Variants in TENM2 observed in about 807,000 individuals in gnomAD.
TENM2 encodes the protein teneurin transmembrane protein 2.
In TENM2, 52 loss-of-function variants were observed where a neutral mutation model predicts 245.2. The observed-to-expected ratio is 0.21, with a 90% CI of 0.17 to 0.27. The LOEUF (loss-of-function observed/expected upper bound fraction) is 0.27, where lower values mean the gene tolerates loss of function less well. TENM2 is among the 10% of genes least tolerant of loss of function. The probability of loss-of-function intolerance (pLI) is 1.00; values close to 1 mark genes in which losing one functional copy is unlikely to be tolerated. For synonymous variants in TENM2, 1,363 were observed against 1,438.9 expected (o/e 0.95, Z 1.19); for missense variants, 3,046 against 3,666.8 (o/e 0.83, Z 4.37).
At chr5:167,395,220 A>G (rs1761984928) in intron 2 of TENM2, among the ~76,000 whole-genome samples, 1 of 152,092 alleles carries the variant, frequency 6.6e-6, no homozygotes, top group South Asian at 2.1e-4. Flanking sequence ...GCCTTGAGTG[A>G]GTTTATTCCT....
chr5:168,221,155 C>T (rs1763638787), intron 23 of TENM2, among the ~76,000 whole-genome samples: 2 of 151,854 alleles, frequency 1.3e-5, no homozygotes, highest in Non-Finnish European at 2.9e-5. Flanking sequence ...ATTTGTCCTT[C>T]AGTGAGAGCT....
intron 2 of TENM2, among the ~76,000 whole-genome samples, chr5:167,761,827 T>C (rs894677624): frequency 6.6e-6 from 1 of 152,164 alleles, no homozygotes; most frequent in Non-Finnish European, 1.5e-5. Context: ...CCTCCTTCCA[T>C]AGACACATTC....
the TENM2 span, among the ~76,000 whole-genome samples, chr5:167,054,401 G>T: frequency 6.6e-6 from 1 of 152,040 alleles, no homozygotes; most frequent in East Asian, 1.9e-4. Context: ...ATATTCCATT[G>T]TCTGGATATA....
intron 2 of TENM2, among the ~76,000 whole-genome samples, chr5:167,743,979 T>A (rs1300734553): frequency 6.6e-6 from 1 of 152,178 alleles, no homozygotes; most frequent in African/African-American, 2.4e-5. Flanking sequence ...TATTTTATAA[T>A]TGGAGAAACC....
intron 1 of TENM2, among the ~76,000 whole-genome samples, chr5:167,321,800 T>TTTTTTTTTTTTTTTTG (rs1467480814): frequency 8.2e-5 from 1 of 12,144 alleles, no homozygotes; most frequent in Non-Finnish European, 1.7e-4. Flanking sequence ...TTTTTTTTTT[T>TTTTTTTTTTTTTTTTG]TGGGGGGGGG....
At chr5:167,284,909 C>T (rs747265474) in exon 1 of TENM2, 45 of 1,551,616 alleles carry the variant, frequency 2.9e-5, no homozygotes, top group Non-Finnish European at 3.9e-5. Flanking sequence ...GCTACACAAG[C>T]TCCTCTCTGG....
chr5:167,336,547 A>G (rs1250680845), intron 1 of TENM2, among the ~76,000 whole-genome samples: 1 of 152,010 alleles, frequency 6.6e-6, no homozygotes, highest in African/African-American at 2.4e-5. Flanking sequence ...TACAAATGGA[A>G]ATTTGAGCAG....
At chr5:168,021,580 T>C (rs919146723) in intron 5 of TENM2, among the ~76,000 whole-genome samples, 2 of 152,216 alleles carry the variant, frequency 1.3e-5, no homozygotes, top group East Asian at 3.8e-4. Context: ...TATTCCACGT[T>C]TTGGTTTTCA....
At chr5:167,160,573 G>A in the TENM2 span, among the ~76,000 whole-genome samples, 8 of 152,292 alleles carry the variant, frequency 5.3e-5, no homozygotes, top group Admixed American at 6.5e-5. Flanking sequence ...AATTTGCTTC[G>A]CTGGATCTTA....
At chr5:167,970,134 A>T (rs1438450063) in intron 4 of TENM2, among the ~76,000 whole-genome samples, 5 of 152,230 alleles carry the variant, frequency 3.3e-5, no homozygotes, top group African/African-American at 4.8e-5. Context: ...ACATTGAGTT[A>T]TCTCACTTGC....
At chr5:166,997,453 A>G in the TENM2 span, among the ~76,000 whole-genome samples, 2 of 152,194 alleles carry the variant, frequency 1.3e-5, no homozygotes, top group Non-Finnish European at 2.9e-5. Context: ...AATCCAGCCC[A>G]CATGACTCCA....
intron 12 of TENM2, among the ~76,000 whole-genome samples, chr5:168,133,593 G>A (rs915525933): frequency 6.6e-6 from 1 of 152,174 alleles, no homozygotes; most frequent in African/African-American, 2.4e-5. Flanking sequence ...GTGCTGCCCA[G>A]CTGATGAGGC....
chr5:167,378,259 A>G (rs1211047185), intron 2 of TENM2, among the ~76,000 whole-genome samples: 1 of 152,144 alleles, frequency 6.6e-6, no homozygotes, highest in Admixed American at 6.5e-5. Context: ...TTTTGCCAAC[A>G]GTTCTCCCTA....
chr5:167,387,775 T>A (rs1761528140), intron 2 of TENM2, among the ~76,000 whole-genome samples: 1 of 152,194 alleles, frequency 6.6e-6, no homozygotes, highest in African/African-American at 2.4e-5. Flanking sequence ...GTTGAGATGA[T>A]CATGTGATTT....
chr5:167,931,956 T>C (rs780782718), intron 3 of TENM2, among the ~76,000 whole-genome samples: 9 of 152,218 alleles, frequency 5.9e-5, no homozygotes, highest in Non-Finnish European at 1.0e-4. Context: ...GTTCTAAAGA[T>C]AGCAGTGTGA....
intron 2 of TENM2, among the ~76,000 whole-genome samples, chr5:167,841,668 C>CT (rs1769529747): frequency 6.6e-6 from 1 of 152,294 alleles, no homozygotes; most frequent in South Asian, 2.1e-4. Flanking sequence ...AAATTTAGCG[C>CT]TGATATCCTA....
intron 19 of TENM2, 50 bp from the exon 22 acceptor site, chr5:168,211,684 C>A (rs1314200210): frequency 8.6e-7 from 1 of 1,161,334 alleles, no homozygotes; most frequent in Non-Finnish European, 1.2e-6. Flanking sequence ...ATCATCAATT[C>A]TTCTGCTAAC....
chr5:167,599,472 A>G (rs1776456258), intron 2 of TENM2, among the ~76,000 whole-genome samples: 1 of 152,196 alleles, frequency 6.6e-6, no homozygotes, highest in African/African-American at 2.4e-5. Flanking sequence ...CAAATCACCA[A>G]CTGGAAGTGA....
intron 2 of TENM2, among the ~76,000 whole-genome samples, chr5:167,584,221 A>C (rs950776078): frequency 9.9e-5 from 15 of 152,242 alleles, no homozygotes; most frequent in Admixed American, 7.2e-4. Flanking sequence ...TATTGAGACA[A>C]AAGTGCACTC....
Sources: allele counts gnomAD v4.1 joint callset (sites outside exome capture counted in the v4.1 genomes callset), GRCh38; gene constraint gnomAD v4.1.1; transcripts MANE v1.5; gene names NCBI Gene and HGNC (gene_info 2026-07-23, HGNC 2026-07-21).